The following RSU1 variants were observed in gnomAD, a reference collection of about 807,000 sequenced individuals.
The protein encoded by RSU1 is Ras suppressor protein 1, also known as rsu-1.
Under a neutral mutation model 31.1 loss-of-function variants are expected in RSU1, and 26 were observed. The ratio of observed to expected loss-of-function variants is 0.84; its 90% CI spans 0.61 to 1.16. The LOEUF (loss-of-function observed/expected upper bound fraction) is 1.16. Among genes scored for constraint, RSU1 ranks in the 50% most tolerant of loss-of-function variants. RSU1 has a pLI of 0.00. For missense variants in RSU1, 320 were observed against 339.1 expected (o/e 0.94, Z 0.44); for synonymous variants, 164 against 136.3 (o/e 1.20, Z -1.41).
At chr10:16,636,961 T>C (rs1050843200) in intron 8 of RSU1, among the ~76,000 whole-genome samples, 1 of 152,266 alleles carries the variant, frequency 6.6e-6, no homozygotes, top group African/African-American at 2.4e-5. Flanking sequence ...ACAGGGATTC[T>C]GTATTTTATT....
In RSU1 at chr10:16,752,891, T is replaced by G. The variant is rs1837008954; in HGVS notation, c.483+27A>C. Reference sequence around the variant, plus strand: ...ACAAGGCTGCAGCAGTGAATTGATTTTCTAAGAATTTAGATAAATTACTTA... The same window carrying G: ...ACAAGGCTGCAGCAGTGAATTGATTGTCTAAGAATTTAGATAAATTACTTA... On this transcript the variant is annotated intron_variant, in intron 6 of 8. Coordinates refer to ENST00000345264, the MANE Select transcript of RSU1 (RefSeq NM_012425.4). The G allele has an allele frequency of 1.9e-6, 3 of 1,593,318 alleles. No homozygotes were observed. In the East Asian group the frequency reaches 6.7e-5, roughly 36 times the overall value.
At chr10:16,690,975 A>G (rs1835537745) in intron 8 of RSU1, among the ~76,000 whole-genome samples, 1 of 152,208 alleles carries the variant, frequency 6.6e-6, no homozygotes, top group Admixed American at 6.5e-5. Flanking sequence ...TCTTTTTAAT[A>G]AAGGGGAAGT....
At chr10:16,660,223 G>T (rs144241106) in intron 8 of RSU1, among the ~76,000 whole-genome samples, 2 of 152,212 alleles carry the variant, frequency 1.3e-5, no homozygotes, top group Non-Finnish European at 2.9e-5. Context: ...CGAAGCTCAG[G>T]TGTCTTTGGG....
intron 3 of RSU1, among the ~76,000 whole-genome samples, chr10:16,773,105 T>C (rs1837455049): frequency 6.6e-6 from 1 of 150,710 alleles, no homozygotes. Context: ...GAGGCTGAGG[T>C]GGGAAGATCA....
At chr10:16,742,632 C>T (rs760581677) in intron 7 of RSU1, among the ~76,000 whole-genome samples, 4 of 151,740 alleles carry the variant, frequency 2.6e-5, no homozygotes, top group Non-Finnish European at 4.4e-5. Context: ...AAATTAAATC[C>T]GGAACGTTAG....
chr10:16,641,406 C>G (rs751485960), intron 8 of RSU1, among the ~76,000 whole-genome samples: 1 of 151,110 alleles, frequency 6.6e-6, no homozygotes, highest in Admixed American at 6.6e-5. Flanking sequence ...GCAGAAGACT[C>G]GTATGAACCC....
At chr10:16,731,610 C>G (rs1836513258) in intron 7 of RSU1, among the ~76,000 whole-genome samples, 1 of 152,156 alleles carries the variant, frequency 6.6e-6, no homozygotes, top group Non-Finnish European at 1.5e-5. Flanking sequence ...AATTTACAAT[C>G]CAACAGCAAT....
At chr10:16,752,042 G>A (rs1262528778) in intron 7 of RSU1, among the ~76,000 whole-genome samples, 1 of 152,170 alleles carries the variant, frequency 6.6e-6, no homozygotes, top group Non-Finnish European at 1.5e-5. Flanking sequence ...ATGGGATCAG[G>A]AGAGAGGCAA....
At chr10:16,656,715 G>A (rs1032886421) in intron 8 of RSU1, among the ~76,000 whole-genome samples, 2 of 152,122 alleles carry the variant, frequency 1.3e-5, no homozygotes, top group African/African-American at 2.4e-5. Flanking sequence ...TAACAGAATC[G>A]GCTTATATAT....
At chr10:16,607,482 T>A (rs1256570539) in intron 8 of RSU1, among the ~76,000 whole-genome samples, 1 of 152,174 alleles carries the variant, frequency 6.6e-6, no homozygotes, top group African/African-American at 2.4e-5. Context: ...GGCTTTGGGA[T>A]TAATCCACTA....
chr10:16,780,944 C>G (rs910037974), intron 3 of RSU1, among the ~76,000 whole-genome samples: 4 of 152,214 alleles, frequency 2.6e-5, no homozygotes, highest in Non-Finnish European at 5.9e-5. Context: ...CTAACAACGA[C>G]TAATCCACTT....
intron 8 of RSU1, among the ~76,000 whole-genome samples, chr10:16,649,238 C>T (rs1169361943): frequency 1.3e-5 from 2 of 152,128 alleles, no homozygotes; most frequent in African/African-American, 4.8e-5. Context: ...TCTTATGAAT[C>T]ACGAAGGCAT....
At chr10:16,657,509 A>T (rs7075985) in intron 8 of RSU1, among the ~76,000 whole-genome samples, 1 of 149,190 alleles carries the variant, frequency 6.7e-6, no homozygotes, top group Non-Finnish European at 1.5e-5. Flanking sequence ...TAATATTACC[A>T]TAACATCTCA....
chr10:16,649,599 T>C (rs1460301461), intron 8 of RSU1, among the ~76,000 whole-genome samples: 1 of 152,124 alleles, frequency 6.6e-6, no homozygotes, highest in African/African-American at 2.4e-5. Flanking sequence ...AAGAGGAAAA[T>C]CATTATCTTC....
intron 8 of RSU1, among the ~76,000 whole-genome samples, chr10:16,617,204 G>A (rs998203973): frequency 6.6e-6 from 1 of 152,182 alleles, no homozygotes. Context: ...GATAAGCAGA[G>A]AGTGAAATCA....
intron 8 of RSU1, among the ~76,000 whole-genome samples, chr10:16,635,095 G>T (rs968506486): frequency 1.3e-5 from 2 of 152,164 alleles, no homozygotes. Context: ...AGCTGTATTC[G>T]TAACAGCCTC....
chr10:16,637,337 C>T (rs373648964), intron 8 of RSU1, among the ~76,000 whole-genome samples: 4 of 152,320 alleles, frequency 2.6e-5, no homozygotes, highest in South Asian at 4.1e-4. Context: ...ATGGGGTTTA[C>T]GCAGGGGCCT....
chr10:16,657,989 C>CA (rs141534973), intron 8 of RSU1, among the ~76,000 whole-genome samples: 35,342 of 150,426 alleles, frequency 0.23, 4,440 homozygotes, highest in East Asian at 0.31. Flanking sequence ...GAATCTGTCT[C>CA]AAAAAAAAAT....
intron 8 of RSU1, among the ~76,000 whole-genome samples, chr10:16,664,956 T>A (rs1834961228): frequency 6.6e-6 from 1 of 152,178 alleles, no homozygotes; most frequent in African/African-American, 2.4e-5. Flanking sequence ...TTTCTTCTTT[T>A]TTTCTGAGAC....
Sources: allele counts gnomAD v4.1 joint callset (sites outside exome capture counted in the v4.1 genomes callset), GRCh38; gene constraint gnomAD v4.1.1; transcripts MANE v1.5; gene names NCBI Gene and HGNC (gene_info 2026-07-23, HGNC 2026-07-21).